The following ZNF107 variants were observed in gnomAD, a reference collection of about 807,000 sequenced individuals.
ZNF107 encodes C2H2 type zinc-finger protein.
In ZNF107, 19 loss-of-function variants were observed where a neutral mutation model predicts 12.3. The observed-to-expected ratio is 1.55, with a 90% confidence interval of 1.08 to 2.27. ZNF107 has a LOEUF of 2.27. ZNF107 is among the 30% of genes most tolerant of loss of function. ZNF107 has a pLI of 0.00. For missense variants in ZNF107, 958 were observed against 979.9 expected (o/e 0.98, Z 0.30); for synonymous variants, 317 against 330.5 (o/e 0.96, Z 0.44).
At position 64,708,162 on chromosome 7, in the gene ZNF107, T is replaced by G; in HGVS notation, c.2065T>G (p.Phe689Val). The G allele has an allele frequency of 6.2e-7, 1 of 1,611,446 alleles. No individual in the cohort carries two copies. The highest frequency in any genetic ancestry group is 8.5e-7 in the Non-Finnish European group (1 of 1,179,246). ...AGAATGTGGAAAAGCTTATAACCGA[T>G]TCTCAAACCTAACTATACATAAGAG... is the stretch of plus-strand genomic sequence containing the variant. ...CEECGKAYNR[F>V]SNLTIHKRIH... Residue 689 changes from phenylalanine to valine, a missense_variant, in exon 4 of 4, where the codon TTC becomes GTC. Transcript: ENST00000620827.
intron 1 of ZNF107, among the ~76,000 whole-genome samples, chr7:64,679,657 C>T (rs1789573516): frequency 1.3e-5 from 2 of 152,300 alleles, no homozygotes; most frequent in South Asian, 4.1e-4. Flanking sequence ...TGGACTGTGT[C>T]CTTAGGAATC....
In ZNF107 at chr7:64,710,189, G is replaced by A. The variant is rs1790839460; in HGVS notation, c.*1533G>A. 1 of 154,834 alleles carries A rather than the reference G, an allele frequency of 6.5e-6. No homozygotes were observed. Among genetic ancestry groups the A allele is most frequent in the African/African-American group, 2.4e-5 (1 of 41,432 alleles). 9.6% of individuals were successfully genotyped at this position (154,834 alleles called of 1,614,324 possible). A position where few individuals can be genotyped will look rare whatever the true frequency, so the allele number is the denominator to read the frequency against. On this transcript the variant is annotated 3_prime_UTR_variant, in exon 4 of 4. Coordinates refer to ENST00000620827, the MANE Select transcript of ZNF107 (RefSeq NM_001282359.2). ...GACAAACAATACAAATACGAAGAGG[G>A]TTGTAGTACCTTTACTTGTATCACA...
chr7:64,693,553 G>A (rs146555002), intron 3 of ZNF107, among the ~76,000 whole-genome samples: 1 of 151,990 alleles, frequency 6.6e-6, no homozygotes, highest in East Asian at 1.9e-4. Flanking sequence ...TCACAAGGAT[G>A]TTGGGTCTGC....
At chr7:64,699,925 G>T (rs1790413659) in intron 3 of ZNF107, among the ~76,000 whole-genome samples, 1 of 151,842 alleles carries the variant, frequency 6.6e-6, no homozygotes, top group Non-Finnish European at 1.5e-5. Context: ...AAATTAGCCG[G>T]GCTTGGTAGC....
At chr7:64,706,000 C>CT (rs1790627782) in intron 3 of ZNF107, among the ~76,000 whole-genome samples, 1 of 150,648 alleles carries the variant, frequency 6.6e-6, no homozygotes, top group East Asian at 1.9e-4. Flanking sequence ...TGGCAATTTA[C>CT]TTCTAAAGGC....
At chr7:64,681,109 CT>C (rs1472922618) in intron 1 of ZNF107, among the ~76,000 whole-genome samples, 1 of 152,212 alleles carries the variant, frequency 6.6e-6, no homozygotes, top group Non-Finnish European at 1.5e-5. Context: ...CCACAGCCCC[CT>C]GGCTGACTCC....
intron 1 of ZNF107, among the ~76,000 whole-genome samples, chr7:64,683,147 C>A (rs1419060728): frequency 6.6e-6 from 1 of 152,222 alleles, no homozygotes; most frequent in African/African-American, 2.4e-5. Context: ...TTAACTCACG[C>A]TGTCTCTCTC....
intron 1 of ZNF107, chr7:64,690,377 C>G (rs1790074904): frequency 1.0e-6 from 1 of 985,220 alleles, no homozygotes. Context: ...TCAGATTCAC[C>G]CTTTTTGGAG....
rs1790111346 is a variant in ZNF107 at position 64,691,337 on chromosome 7, T to A, written c.93T>A (p.Asn31Lys). 1.3e-6 allele frequency: 2 copies of A among 1,533,876 alleles called. No individual in the cohort carries two copies. The highest frequency in any genetic ancestry group is 8.7e-7 in the Non-Finnish European group (1 of 1,142,874). The change falls in exon 2 of 4, where the codon AAT becomes AAA. Residue 31 changes from asparagine (N) to lysine (K), a missense_variant. Coordinates refer to ENST00000620827, the MANE Select transcript of ZNF107 (RefSeq NM_001282359.2). ...LDTAQRDLYR[N>K]VLLENYRNLV... ...CTGCACAGCGGGATTTATATAGGAA[T>A]GTGTTGTTAGAGAACTACAGAAACC...
intron 1 of ZNF107, among the ~76,000 whole-genome samples, chr7:64,666,971 A>T (rs1331080303): frequency 1.6e-5 from 2 of 127,718 alleles, no homozygotes; most frequent in Non-Finnish European, 3.1e-5. Context: ...ATGGTTGATT[A>T]AGTCTAAATT....
In ZNF107 at chr7:64,707,825, A is replaced by G. The variant is rs562630195; in HGVS notation, c.1728A>G (p.Gln576=). ...KCEECGKAFN[Q]SYQLTRHKIV... is the part of the protein sequence containing the mutation. ...AAGAATGTGGAAAAGCCTTTAATCA[A>G]TCCTATCAACTTACTAGACATAAGA... Residue 576 remains glutamine, a synonymous_variant, in exon 4 of 4, where the codon CAA becomes CAG. Coordinates refer to ENST00000620827, the MANE Select transcript of ZNF107 (RefSeq NM_001282359.2). 24 of 1,612,320 alleles carry G rather than the reference A, an allele frequency of 1.5e-5. No homozygotes were observed. The highest frequency in any genetic ancestry group is 6.7e-5 in the African/African-American group (5 of 74,910).
At chr7:64,700,842 T>C (rs1242382758) in intron 3 of ZNF107, among the ~76,000 whole-genome samples, 2 of 152,036 alleles carry the variant, frequency 1.3e-5, no homozygotes, top group East Asian at 3.9e-4. Context: ...GCCTGGCCAT[T>C]TTTTTCTTTA....
chr7:64,699,384 A>T (rs1189894951), intron 3 of ZNF107, among the ~76,000 whole-genome samples: 1 of 152,116 alleles, frequency 6.6e-6, no homozygotes, highest in Non-Finnish European at 1.5e-5. Flanking sequence ...TTGTCAGAAA[A>T]CATGGAATGT....
chr7:64,707,126 T>C lies in ZNF107; in HGVS notation c.1029T>C (p.Cys343=), dbSNP rs376463118. ...RIHAGEKPYK[C]KECGRAFNIS... ...ATGCTGGGGAGAAACCCTACAAATGTAAAGAATGTGGCAGAGCTTTTAACA... is the reference window on the plus strand; with the variant it reads ...ATGCTGGGGAGAAACCCTACAAATGCAAAGAATGTGGCAGAGCTTTTAACA... Residue 343 remains cysteine, a synonymous_variant, in exon 4 of 4, where the codon TGT becomes TGC. Transcript: ENST00000620827. 3.1e-6 allele frequency: 5 copies of C among 1,613,300 alleles called. No homozygotes were observed. Among genetic ancestry groups the C allele is most frequent in the Non-Finnish European group, 3.4e-6 (4 of 1,179,758 alleles).
intron 3 of ZNF107, among the ~76,000 whole-genome samples, chr7:64,696,143 C>T (rs1185487778): frequency 6.6e-6 from 1 of 152,006 alleles, no homozygotes; most frequent in Admixed American, 6.5e-5. Context: ...ACCTCCGCCT[C>T]CCAGGTTCAA....
chr7:64,679,325 G>A (rs1177933573), intron 1 of ZNF107: 1 of 985,112 alleles, frequency 1.0e-6, no homozygotes, highest in Non-Finnish European at 1.2e-6. Context: ...CCCCGCCTCT[G>A]CCTTCGGATA....
Position 64,706,871 on chromosome 7 carries a change from A to G in ZNF107, c.774A>G (p.Lys258=). The G allele has an allele frequency of 6.2e-7, 1 of 1,613,496 alleles. No homozygotes were observed. The highest frequency in any genetic ancestry group is 8.5e-7 in the Non-Finnish European group (1 of 1,179,760). The change falls in exon 4 of 4, where the codon AAA becomes AAG. Residue 258 remains lysine, a synonymous_variant. Transcript: ENST00000620827. ...TTCATACTGAAGAGAAACCCAACAA[A>G]TGTGAAGAATGTGGCAAGGCCTTTA... ...KIIHTEEKPN[K]CEECGKAFKQ... is the part of the protein sequence containing the mutation.
chr7:64,707,153 A>G lies in ZNF107; in HGVS notation c.1056A>G (p.Ile352Met). The change falls in exon 4 of 4, where the codon ATA becomes ATG. Residue 352 changes from isoleucine to methionine, a missense_variant. Ile to Met is a conservative substitution (Grantham distance 10). Transcript: ENST00000620827. ...AAGAATGTGGCAGAGCTTTTAACAT[A>G]TCCTCAAACCTTAATAAACAGGAGA... is the stretch of plus-strand genomic sequence containing the variant. ...KCKECGRAFN[I>M]SSNLNKQEKI... The G allele has an allele frequency of 6.2e-7, 1 of 1,613,694 alleles. No individual in the cohort carries two copies. The highest frequency in any genetic ancestry group is 2.2e-5 in the East Asian group (1 of 44,836).
chr7:64,707,199 C>A lies in ZNF107; in HGVS notation c.1102C>A (p.Leu368Ile), dbSNP rs532314371. The A allele has an allele frequency of 9.9e-6, 16 of 1,613,378 alleles. No individual in the cohort carries two copies. Among genetic ancestry groups the A allele is most frequent in the Non-Finnish European group, 1.4e-5 (16 of 1,179,738 alleles). Residue 368 changes from leucine (L) to isoleucine (I), a missense_variant, in exon 4 of 4, where the codon CTC (leucine) becomes ATC (isoleucine). By Grantham distance (5) the Leu-to-Ile change is conservative. Coordinates refer to ENST00000620827, the MANE Select transcript of ZNF107 (RefSeq NM_001282359.2). ...GGAGAAAATTCATACTGGAGGGAAA[C>A]TCAACAAATGTGAAGAATGTGACAA... Reference protein sequence around the residue: ...KQEKIHTGGKLNKCEECDKAF... With the variant: ...KQEKIHTGGKINKCEECDKAF...
Sources: gnomAD v4.1 joint callset for allele counts (sites outside exome capture counted in the v4.1 genomes callset) on GRCh38, gnomAD v4.1.1 for gene constraint, MANE v1.5 for transcripts, NCBI Gene and HGNC (gene_info 2026-07-23, HGNC 2026-07-21) for gene names.